The following RARB variants were observed in gnomAD, a reference collection of about 807,000 sequenced individuals.
The protein encoded by RARB is retinoic acid receptor beta, also known as HBV-activated protein.
Under a neutral mutation model 51.9 loss-of-function variants are expected in RARB, and 17 were observed. That is an observed-to-expected ratio of 0.33 (90% CI 0.22 to 0.49). The LOEUF (loss-of-function observed/expected upper bound fraction) is 0.49, where lower values mean the gene tolerates loss of function less well. Among genes scored for constraint, RARB ranks in the 20% least tolerant of loss-of-function variants. The pLI, the probability that RARB is intolerant of heterozygous loss-of-function variation, is 0.99. For missense variants in RARB, 369 were observed against 550.8 expected (o/e 0.67, Z 3.30); for synonymous variants, 215 against 195.4 (o/e 1.10, Z -0.84).
chr3:25,335,323 A>T (rs536882954), intron 5 of RARB, among the ~76,000 whole-genome samples: 1 of 152,212 alleles, frequency 6.6e-6, no homozygotes, highest in African/African-American at 2.4e-5. Flanking sequence ...AGGCCATCCT[A>T]AGTGCCTAGA....
At chr3:25,502,241 G>A (rs549844099) in intron 3 of RARB, among the ~76,000 whole-genome samples, 8 of 152,342 alleles carry the variant, frequency 5.3e-5, no homozygotes, top group Non-Finnish European at 5.9e-5. Flanking sequence ...CAGGAGCATA[G>A]GATAAAGAGC....
chr3:25,046,640 A>G (rs1236692728), intron 2 of RARB, among the ~76,000 whole-genome samples: 1 of 151,936 alleles, frequency 6.6e-6, no homozygotes, highest in Non-Finnish European at 1.5e-5. Context: ...TTTTTGATAG[A>G]GACGGGGTTT....
intron 4 of RARB, among the ~76,000 whole-genome samples, chr3:25,137,801 C>G (rs1700054566): frequency 6.6e-6 from 1 of 152,090 alleles, no homozygotes. Context: ...AGAGTCCACC[C>G]TTCTAATTCC....
chr3:25,549,910 C>T (rs1047725465), intron 3 of RARB, among the ~76,000 whole-genome samples: 1 of 151,984 alleles, frequency 6.6e-6, no homozygotes. Flanking sequence ...CCAGCTGTCT[C>T]TCTCTCTCTC....
chr3:25,245,119 G>A (rs923056095), intron 5 of RARB, among the ~76,000 whole-genome samples: 2 of 152,062 alleles, frequency 1.3e-5, no homozygotes, highest in African/African-American at 4.8e-5. Flanking sequence ...GAGAGACTAA[G>A]ATTGCAACTC....
intron 5 of RARB, among the ~76,000 whole-genome samples, chr3:25,293,921 C>T (rs1575290002): frequency 6.6e-6 from 1 of 152,290 alleles, no homozygotes; most frequent in African/African-American, 2.4e-5. Context: ...GGAGTGGCTA[C>T]TCATGGCTCA....
intron 1 of RARB, among the ~76,000 whole-genome samples, chr3:24,846,737 A>T (rs1702490137): frequency 1.3e-5 from 2 of 152,134 alleles, no homozygotes; most frequent in Admixed American, 1.3e-4. Flanking sequence ...ATGTTCCTTG[A>T]GCCAGGGCAA....
chr3:25,187,388 G>C (rs978765926), intron 5 of RARB, among the ~76,000 whole-genome samples: 7 of 151,984 alleles, frequency 4.6e-5, no homozygotes, highest in Non-Finnish European at 1.0e-4. Flanking sequence ...GTAGGATAAA[G>C]AACACATGAG....
intron 5 of RARB, among the ~76,000 whole-genome samples, chr3:25,261,030 AAG>A (rs1442290261): frequency 2.6e-5 from 4 of 152,162 alleles, no homozygotes; most frequent in African/African-American, 9.7e-5. Context: ...AAATGAGGCT[AAG>A]AGTAGTATCT....
chr3:24,947,944 AT>A (rs113778401), intron 2 of RARB, among the ~76,000 whole-genome samples: 1,499 of 146,930 alleles, frequency 0.01, 25 homozygotes, highest in African/African-American at 0.032. Context: ...GATGTTACCA[AT>A]TTTTTTTTTT....
At chr3:25,458,604 C>G (rs1035717819) in intron 1 of RARB, among the ~76,000 whole-genome samples, 1 of 152,164 alleles carries the variant, frequency 6.6e-6, no homozygotes, top group African/African-American at 2.4e-5. Flanking sequence ...GTTGCTGCCA[C>G]TGTGCCAACT....
intron 2 of RARB, among the ~76,000 whole-genome samples, chr3:25,466,875 G>A (rs1351342518): frequency 6.6e-6 from 1 of 152,192 alleles, no homozygotes; most frequent in Admixed American, 6.5e-5. Context: ...AAAAGCAGTG[G>A]ACCAGATTTG....
intron 5 of RARB, among the ~76,000 whole-genome samples, chr3:25,285,976 C>T (rs1487994260): frequency 6.6e-6 from 1 of 151,988 alleles, no homozygotes; most frequent in African/African-American, 2.4e-5. Context: ...AACCCCATCA[C>T]TTTTTCTGCC....
intron 2 of RARB, among the ~76,000 whole-genome samples, chr3:25,465,460 G>C (rs1447196713): frequency 2.6e-5 from 4 of 152,184 alleles, no homozygotes; most frequent in Non-Finnish European, 5.9e-5. Context: ...ATATCTTCAA[G>C]AAGTAATGCC....
Position 25,309,093 on chromosome 3 carries a change from C to G in RARB, c.178+134518C>G, listed in dbSNP as rs1371806188. On this transcript the variant is annotated intron_variant, in intron 5 of 11. Coordinates refer to the RARB transcript ENST00000383772. ...TTGCTGATTTCCCTTTCTCTTTTTT[C>G]CTGTCCCCTGTCATTTCTGCGTGGA... Among the ~76,000 whole-genome samples the G allele has an allele frequency of 2.0e-5, 3 of 151,014 alleles. No individual in the cohort carries two copies. The South Asian group carries it at 6.3e-4, about 32-fold the overall frequency.
At chr3:25,332,505 A>G (rs965151632) in intron 5 of RARB, among the ~76,000 whole-genome samples, 2 of 152,320 alleles carry the variant, frequency 1.3e-5, no homozygotes, top group African/African-American at 2.4e-5. Flanking sequence ...TCAATAAACT[A>G]GGTATTGATG....
intron 2 of RARB, among the ~76,000 whole-genome samples, chr3:25,004,388 C>T (rs1253657483): frequency 1.3e-5 from 2 of 152,228 alleles, no homozygotes. Flanking sequence ...TTCATTGGCT[C>T]ACTATTCTGG....
intron 5 of RARB, among the ~76,000 whole-genome samples, chr3:25,254,779 G>C (rs1261662433): frequency 6.6e-6 from 1 of 152,164 alleles, no homozygotes; most frequent in East Asian, 1.9e-4. Context: ...GGATAAAGAA[G>C]AAGACAGTGT....
intron 2 of RARB, among the ~76,000 whole-genome samples, chr3:25,032,650 G>A (rs1304872098): frequency 6.6e-6 from 1 of 152,180 alleles, no homozygotes; most frequent in Admixed American, 6.5e-5. Context: ...GGCTGTGTGA[G>A]ACACAGTCAC....
Sources: gnomAD v4.1 joint callset for allele counts (sites outside exome capture counted in the v4.1 genomes callset) on GRCh38, gnomAD v4.1.1 for gene constraint, MANE v1.5 for transcripts, NCBI Gene and HGNC (gene_info 2026-07-23, HGNC 2026-07-21) for gene names.